The following PCDHGA7 variants were observed in gnomAD, a reference collection of about 807,000 sequenced individuals.
PCDHGA7 encodes the protein protocadherin gamma subfamily A, 7, also known as protocadherin gamma-A7.
Under a neutral mutation model 58.3 loss-of-function variants are expected in PCDHGA7, and 44 were observed. That is an observed-to-expected ratio of 0.75 (90% confidence interval 0.59 to 0.97). PCDHGA7 has a LOEUF of 0.97. Ranked by LOEUF, PCDHGA7 falls within the 50% of genes least tolerant of loss-of-function variation. PCDHGA7 has a pLI of 0.00. For missense variants in PCDHGA7, 1,266 were observed against 1,188.7 expected (o/e 1.06, Z -0.96); for synonymous variants, 516 against 504.2 (o/e 1.02, Z -0.31).
chr5:141,498,880 C>G (rs1334510457), intron 2 of PCDHGA7, among the ~76,000 whole-genome samples: 1 of 150,028 alleles, frequency 6.7e-6, no homozygotes, highest in African/African-American at 2.4e-5. Flanking sequence ...TTGCAGTGAG[C>G]TGAGATCACA....
chr5:141,419,877 C>G (rs1272137716), intron 1 of PCDHGA7: 24 of 1,614,062 alleles, frequency 1.5e-5, no homozygotes, highest in Non-Finnish European at 1.9e-5. Flanking sequence ...GAGGTACTGC[C>G]GGATTTCAGC....
At chr5:141,499,025 GAAGA>G (rs1309889371) in intron 2 of PCDHGA7, among the ~76,000 whole-genome samples, 11 of 140,712 alleles carry the variant, frequency 7.8e-5, no homozygotes, top group African/African-American at 2.6e-4. Flanking sequence ...AGGAAGGAAG[GAAGA>G]AAAGAAAGAA....
At chr5:141,425,069 A>C (rs771114613) in intron 1 of PCDHGA7, among the ~76,000 whole-genome samples, 30 of 152,170 alleles carry the variant, frequency 2.0e-4, no homozygotes, top group Non-Finnish European at 4.1e-4. Context: ...GACAAAAATA[A>C]TTTCAACTGT....
chr5:141,490,869 A>G lies in PCDHGA7; in HGVS notation c.2425-3938A>G, dbSNP rs764138126. ...GGGTTCGAGACTCCGGCTCTCCCCCATTGCATGCCAACACATCTCTGCATG... is the reference window on the plus strand; with the variant it reads ...GGGTTCGAGACTCCGGCTCTCCCCCGTTGCATGCCAACACATCTCTGCATG... On this transcript the variant is annotated intron_variant, in intron 1 of 3. Transcript: ENST00000518325. This position sits in a 1 kb window ranked among gnomAD's most constrained non-coding sequence, Gnocchi z 5.4. 4.3e-6 allele frequency: 7 copies of G among 1,613,784 alleles called. No homozygotes were observed. The highest frequency in any genetic ancestry group is 1.7e-5 in the Admixed American group (1 of 60,004).
At chr5:141,452,524 C>T (rs542476667) in intron 1 of PCDHGA7, among the ~76,000 whole-genome samples, 83 of 152,294 alleles carry the variant, frequency 5.4e-4, no homozygotes, top group African/African-American at 1.9e-3. Flanking sequence ...CCCTCAAAAT[C>T]GTGAGTTCAT....
chr5:141,448,903 C>A (rs1460471063), intron 1 of PCDHGA7, among the ~76,000 whole-genome samples: 2 of 152,112 alleles, frequency 1.3e-5, no homozygotes, highest in Non-Finnish European at 2.9e-5. Context: ...CGAGATCGTG[C>A]CACTGCACTC....
chr5:141,432,797 T>C lies in PCDHGA7; in HGVS notation c.2424+47474T>C, dbSNP rs1591218426. On this transcript the variant is annotated intron_variant, in intron 1 of 3. Coordinates refer to ENST00000518325, the MANE Select transcript of PCDHGA7 (RefSeq NM_018920.4). The surrounding 1 kb of genome is among the most constrained non-coding windows in gnomAD (Gnocchi z 6.0). The stretch of plus-strand genomic sequence containing the variant: ...CCTGGCGGACCTCGGCAGCCTCGAG[T>C]CTCCAGCTAACTCTGAAACCTCAGA... 2.5e-6 allele frequency: 4 copies of C among 1,613,752 alleles called. No individual in the cohort carries two copies. The highest frequency in any genetic ancestry group is 2.7e-5 in the African/African-American group (2 of 74,816).
At chr5:141,398,174 T>C (rs763077513) in intron 1 of PCDHGA7, 16 of 1,476,290 alleles carry the variant, frequency 1.1e-5, no homozygotes, top group African/African-American at 1.4e-5. Flanking sequence ...AGGCTGCCAG[T>C]GCTCTTTCTC....
At position 141,486,417 on chromosome 5, in the gene PCDHGA7, G is replaced by T. The variant is rs1298448753; in HGVS notation, c.2425-8390G>T. On this transcript the variant is annotated intron_variant, in intron 1 of 3. Transcript: ENST00000518325. The surrounding 1 kb of genome is among the most constrained non-coding windows in gnomAD (Gnocchi z 5.0). ...CTGGTGACTGCTGGACCCTTGGATCGAGAGGCCAAATCTAGCTATGACATC... is the reference window on the plus strand; with the variant it reads ...CTGGTGACTGCTGGACCCTTGGATCTAGAGGCCAAATCTAGCTATGACATC... The T allele has an allele frequency of 6.2e-7, 1 of 1,614,014 alleles. No homozygotes were observed. The highest frequency in any genetic ancestry group is 1.7e-5 in the Admixed American group (1 of 60,010).
At position 141,491,891 on chromosome 5, in the gene PCDHGA7, G is replaced by T. The variant is rs1487484740; in HGVS notation, c.2425-2916G>T. On this transcript the variant is annotated intron_variant, in intron 1 of 3. Coordinates refer to ENST00000518325, the MANE Select transcript of PCDHGA7 (RefSeq NM_018920.4). This position sits in a 1 kb window ranked among gnomAD's most constrained non-coding sequence, Gnocchi z 6.9. ...GTGGCCGATTAAGGGATGGGGCTCC[G>T]AGCACCGGGGGTGGTGGCGACTGTG... 19 of 1,439,438 alleles carry T rather than the reference G, an allele frequency of 1.3e-5. No homozygotes were observed. The East Asian group carries it at 4.8e-4, about 36-fold the overall frequency. 89.2% of individuals were successfully genotyped at this position (1,439,438 alleles called of 1,614,324 possible). A position where few individuals can be genotyped will look rare whatever the true frequency, so the allele number is the denominator to read the frequency against.
In PCDHGA7 at chr5:141,510,353, C is replaced by G. The variant is rs74759939; in HGVS notation, c.2573-594C>G. On this transcript the variant is annotated intron_variant, in intron 3 of 3. Transcript: ENST00000518325. ...CACCCCCACCCCACACACTTACTAA[C>G]GGAACTACCGAATCTCTACTCGTGC... is the stretch of plus-strand genomic sequence containing the variant. Among the ~76,000 whole-genome samples the G allele has an allele frequency of 1.9e-4, 28 of 146,588 alleles. No homozygotes were observed. The East Asian group carries it at 5.6e-3, about 29-fold the overall frequency.
In PCDHGA7 at chr5:141,432,677, C is replaced by T. The variant is rs1241190176; in HGVS notation, c.2424+47354C>T. On this transcript the variant is annotated intron_variant, in intron 1 of 3. Transcript: ENST00000518325. This position sits in a 1 kb window ranked among gnomAD's most constrained non-coding sequence, Gnocchi z 6.0. ...CCTGCTGGACAGAGACGCGCTCAAGCAGAGCCTCGTAGTGGCCGTCCAGGA... is the reference window on the plus strand; with the variant it reads ...CCTGCTGGACAGAGACGCGCTCAAGTAGAGCCTCGTAGTGGCCGTCCAGGA... The T allele has an allele frequency of 1.2e-6, 2 of 1,613,942 alleles. No individual in the cohort carries two copies. The highest frequency in any genetic ancestry group is 1.1e-5 in the South Asian group (1 of 91,076).
At chr5:141,427,857 G>A (rs746661329) in intron 1 of PCDHGA7, 36 of 1,554,574 alleles carry the variant, frequency 2.3e-5, no homozygotes, top group Non-Finnish European at 2.9e-5. Context: ...GCAGCTGTGC[G>A]CCTTCGAGCT....
Position 141,487,243 on chromosome 5 carries a change from C to T in PCDHGA7, c.2425-7564C>T. 1 of 1,614,114 alleles carries T rather than the reference C, an allele frequency of 6.2e-7. No individual in the cohort carries two copies. The highest frequency in any genetic ancestry group is 8.5e-7 in the Non-Finnish European group (1 of 1,180,000). Reference sequence around the variant, plus strand: ...CAAGGGAAGGAGAATCTCGTCTAACCCTCTACTTGGCTGTGTCCCTAGTGG... The same window carrying T: ...CAAGGGAAGGAGAATCTCGTCTAACTCTCTACTTGGCTGTGTCCCTAGTGG... On this transcript the variant is annotated intron_variant, in intron 1 of 3. Coordinates refer to ENST00000518325, the MANE Select transcript of PCDHGA7 (RefSeq NM_018920.4). The surrounding 1 kb of genome is among the most constrained non-coding windows in gnomAD (Gnocchi z 5.0).
chr5:141,492,619 G>A lies in PCDHGA7; in HGVS notation c.2425-2188G>A, dbSNP rs778698501. ...GCGACTGCCGCTCTAAGTGCCGGGC[G>A]GGCAGGACTCTACGATCCTTGGGCC... On this transcript the variant is annotated intron_variant, in intron 1 of 3. Coordinates refer to ENST00000518325, the MANE Select transcript of PCDHGA7 (RefSeq NM_018920.4). 7.8e-4 allele frequency among the ~76,000 whole-genome samples: 118 copies of A among 152,234 alleles called. 1 individual carries two copies. The highest frequency in any genetic ancestry group is 3.3e-3 in the Admixed American group (51 of 15,282).
chr5:141,433,220 T>A (rs781745522), intron 1 of PCDHGA7: 2 of 1,509,720 alleles, frequency 1.3e-6, no homozygotes, highest in Non-Finnish European at 1.8e-6. Flanking sequence ...TTTTTTTTTT[T>A]AATTGCTCTG....
intron 1 of PCDHGA7, chr5:141,440,359 G>T (rs932656332): frequency 5.3e-5 from 8 of 152,106 alleles, no homozygotes; most frequent in Non-Finnish European, 1.2e-4. Context: ...CTAGCTACTC[G>T]GGGGGCCGAG....
rs58019021 is a variant in PCDHGA7, at chr5:141,500,184, T to TTTTATTTATTTA, written c.2484-5178_2484-5167dup. Among the ~76,000 whole-genome samples, 232 of 135,962 alleles carry TTTTATTTATTTA rather than the reference T, an allele frequency of 1.7e-3. 1 individual carries two copies. The highest frequency in any genetic ancestry group is 6.4e-3 in the South Asian group (27 of 4,202). The allele number at this position is 135,962 out of a possible 152,430, so 89.2% of individuals were successfully genotyped here. A position where few individuals can be genotyped will look rare whatever the true frequency, so the allele number is the denominator to read the frequency against. The stretch of plus-strand genomic sequence containing the variant: ...GAACATGCATGAGCTTCATTTTTAT[T>TTTTATTTATTTA]TTTATTTATTTATTTATTTATTTAT... On this transcript the variant is annotated intron_variant, in intron 2 of 3. Transcript: ENST00000518325.
chr5:141,467,321 G>A (rs2099141786), intron 1 of PCDHGA7, among the ~76,000 whole-genome samples: 2 of 152,024 alleles, frequency 1.3e-5, no homozygotes, highest in East Asian at 1.9e-4. Context: ...CCACAGTGCT[G>A]GGATTAGAGA....
Sources: allele counts gnomAD v4.1 joint callset (sites outside exome capture counted in the v4.1 genomes callset), GRCh38; gene constraint gnomAD v4.1.1; non-coding constraint Gnocchi (gnomAD v3.1); transcripts MANE v1.5; gene names NCBI Gene and HGNC (gene_info 2026-07-23, HGNC 2026-07-21).